ZNF831: variants seen among roughly 807,000 people sequenced by gnomAD.
ZNF831 encodes zinc finger protein 831.
ZNF831 carries 59 observed loss-of-function variants against 95.8 expected under a neutral mutation model. The observed-to-expected ratio is 0.62, with a 90% CI of 0.50 to 0.77. The LOEUF is 0.77. Among genes scored for constraint, ZNF831 ranks in the 30% least tolerant of loss-of-function variants. The probability of loss-of-function intolerance (pLI) is 0.00; values close to 1 mark genes in which losing one functional copy is unlikely to be tolerated. For synonymous variants in ZNF831, 961 were observed against 925.5 expected (o/e 1.04, Z -0.70); for missense variants, 2,205 against 2,164.0 (o/e 1.02, Z -0.38).
intron 4 of ZNF831, among the ~76,000 whole-genome samples, chr20:59,229,621 A>G (rs1986619971): frequency 6.6e-6 from 1 of 152,130 alleles, no homozygotes; most frequent in South Asian, 2.1e-4. Flanking sequence ...CAAGTGATTT[A>G]TTTTTCCATA....
rs771506952 is a variant in ZNF831 at position 59,192,743 on chromosome 20, T to C, written c.1724T>C (p.Ile575Thr). 1.4e-5 allele frequency: 22 copies of C among 1,611,072 alleles called. No homozygotes were observed. The highest frequency in any genetic ancestry group is 2.2e-5 in the South Asian group (2 of 90,934). ...GTGGAGGACCTGCCAGGCACCCCCA[T>C]TGGCGATGCCCTGGTGCCCGCAGAG... ...AAVEDLPGTP[I>T]GDALVPAEDT... The change falls in exon 2 of 6, where the codon ATT (isoleucine) becomes ACT (threonine). Residue 575 changes from isoleucine to threonine, a missense_variant. Transcript: ENST00000371030. This position sits in a 1 kb window ranked among gnomAD's most constrained non-coding sequence, Gnocchi z 5.2.
At chr20:59,175,694 T>A (rs117903178) in intron 1 of ZNF831, among the ~76,000 whole-genome samples, 1,567 of 152,394 alleles carry the variant, frequency 0.01, 20 homozygotes, top group Middle Eastern at 0.051. Flanking sequence ...ATTTTCATGA[T>A]GGCTGCTTCA....
intron 2 of ZNF831, among the ~76,000 whole-genome samples, chr20:59,149,222 T>G (rs1056901519): frequency 6.6e-6 from 1 of 152,212 alleles, no homozygotes; most frequent in Non-Finnish European, 1.5e-5. Flanking sequence ...GCTCAAAACC[T>G]AGACTCCCTT....
chr20:59,251,148 A>C (rs184743324), intron 4 of ZNF831, among the ~76,000 whole-genome samples: 39 of 152,328 alleles, frequency 2.6e-4, no homozygotes, highest in African/African-American at 9.4e-4. Context: ...ATTTCAAAAC[A>C]ATGCATTGTA....
Position 59,143,377 on chromosome 20 carries a change from G to A in ZNF831, c.-1424-2854G>A, listed in dbSNP as rs569199969. ...CAGAGGTAGCTGATGGAACTGGCTAGTGTGAGTCCCGTTCAGAGTCTATGT... is the reference window on the plus strand; with the variant it reads ...CAGAGGTAGCTGATGGAACTGGCTAATGTGAGTCCCGTTCAGAGTCTATGT... On this transcript the variant is annotated intron_variant, in intron 1 of 7. Transcript: ENST00000637017. Among the ~76,000 whole-genome samples, 11 of 152,354 alleles carry A rather than the reference G, an allele frequency of 7.2e-5. No individual in the cohort carries two copies. The South Asian group carries it at 2.3e-3, about 32-fold the overall frequency.
Position 59,193,761 on chromosome 20 carries a change from A to G in ZNF831, c.2742A>G (p.Ala914=), listed in dbSNP as rs1476990096. Residue 914 remains alanine, a synonymous_variant, in exon 2 of 6, where the codon GCA becomes GCG. Coordinates refer to ENST00000371030, the MANE Select transcript of ZNF831 (RefSeq NM_178457.3). ...TGCATCCTGCAGCCCCAGCCCCCGC[A>G]GAGCACCCCTCGCTGGCCACCCCAC... The part of the protein sequence containing the change: ...TPLHPAAPAP[A]EHPSLATPPQ... 1 of 1,608,404 alleles carries G rather than the reference A, an allele frequency of 6.2e-7. No homozygotes were observed. The highest frequency in any genetic ancestry group is 1.7e-5 in the Admixed American group (1 of 59,592).
chr20:59,189,597 C>G (rs1983344486), intron 1 of ZNF831, among the ~76,000 whole-genome samples: 1 of 152,204 alleles, frequency 6.6e-6, no homozygotes, highest in Non-Finnish European at 1.5e-5. Flanking sequence ...CTGGAACCTC[C>G]ACCTCCAGGA....
rs530819245 is a variant in ZNF831 at position 59,231,151 on chromosome 20, A to C, written c.4028-21827A>C. Among the ~76,000 whole-genome samples the C allele has an allele frequency of 3.9e-5, 6 of 152,336 alleles. No homozygotes were observed. The South Asian group carries it at 1.0e-3, about 26-fold the overall frequency. On this transcript the variant is annotated intron_variant, in intron 4 of 5. Coordinates refer to ENST00000371030, the MANE Select transcript of ZNF831 (RefSeq NM_178457.3). ...GATATTGCATGTATCACTGCCTCTC[A>C]TATCGCTTTAGCCAGAAATGAGTTA...
intron 4 of ZNF831, among the ~76,000 whole-genome samples, chr20:59,210,381 G>T (rs927209894): frequency 2.0e-5 from 3 of 152,128 alleles, no homozygotes; most frequent in Non-Finnish European, 4.4e-5. Flanking sequence ...GGGCTCCGCG[G>T]AGCCGCCATA....
chr20:59,152,658 A>C (rs1484939851), intron 2 of ZNF831, among the ~76,000 whole-genome samples: 2 of 152,172 alleles, frequency 1.3e-5, no homozygotes, highest in African/African-American at 4.8e-5. Context: ...CTCAGGGAGC[A>C]GGTGCCCGAG....
intron 2 of ZNF831, among the ~76,000 whole-genome samples, chr20:59,156,455 G>C (rs975194014): frequency 6.6e-6 from 1 of 152,150 alleles, no homozygotes; most frequent in Non-Finnish European, 1.5e-5. Context: ...GAACCCAGGA[G>C]GTGGAGGTTG....
chr20:59,253,935 C>T lies in ZNF831; in HGVS notation c.4226C>T (p.Thr1409Ile), dbSNP rs2146761403. 1 of 1,486,358 alleles carries T rather than the reference C, an allele frequency of 6.7e-7. No homozygotes were observed. The highest frequency in any genetic ancestry group is 9.0e-7 in the Non-Finnish European group (1 of 1,112,602). 92.1% of individuals were successfully genotyped at this position (1,486,358 alleles called of 1,614,324 possible). A position where few individuals can be genotyped will look rare whatever the true frequency, so the allele number is the denominator to read the frequency against. ...TCTGCTGGTGAGCATGGTGACTGTACTACTCACAGCACTGCTGCCACATCA... is the reference window on the plus strand; with the variant it reads ...TCTGCTGGTGAGCATGGTGACTGTATTACTCACAGCACTGCTGCCACATCA... ...SPSAGEHGDC[T>I]THSTAATSGL... The change falls in exon 6 of 6, where the codon ACT becomes ATT. Residue 1409 changes from threonine to isoleucine, a missense_variant. Thr to Ile is a moderately conservative substitution (Grantham distance 89). Coordinates refer to ENST00000371030, the MANE Select transcript of ZNF831 (RefSeq NM_178457.3).
In ZNF831 at chr20:59,194,254, T is replaced by A. The variant is rs895983186; in HGVS notation, c.3235T>A (p.Cys1079Ser). Reference sequence around the variant, plus strand: ...TGACAGCCACCGTATCCATCGCCTCTGCATGGGCAGCACTTTGGCAAGGGC... The same window carrying A: ...TGACAGCCACCGTATCCATCGCCTCAGCATGGGCAGCACTTTGGCAAGGGC... ...EGDSHRIHRL[C>S]MGSTLARARL... The change falls in exon 2 of 6, where the codon TGC becomes AGC. Residue 1079 changes from cysteine to serine, a missense_variant. Physicochemically the swap from Cys to Ser is moderately radical, Grantham distance 112 (BLOSUM62 -1). Transcript: ENST00000371030. 6.2e-7 allele frequency: 1 copy of A among 1,614,030 alleles called. No individual in the cohort carries two copies. Among genetic ancestry groups the A allele is most frequent in the Non-Finnish European group, 8.5e-7 (1 of 1,180,008 alleles).
intron 4 of ZNF831, among the ~76,000 whole-genome samples, chr20:59,240,773 G>A (rs1226866128): frequency 6.6e-6 from 1 of 152,318 alleles, no homozygotes; most frequent in Non-Finnish European, 1.5e-5. Context: ...CTGCACTCCA[G>A]CCTGGGCGAC....
intron 4 of ZNF831, among the ~76,000 whole-genome samples, chr20:59,233,043 C>CACACACACACAG (rs1308472101): frequency 1.5e-5 from 2 of 134,374 alleles, no homozygotes; most frequent in African/African-American, 5.9e-5. Flanking sequence ...CACACACACA[C>CACACACACACAG]ATAGAGAGAG....
intron 1 of ZNF831, among the ~76,000 whole-genome samples, chr20:59,164,633 A>G (rs1279264133): frequency 1.3e-5 from 2 of 152,202 alleles, no homozygotes; most frequent in African/African-American, 2.4e-5. Context: ...TTTGTATATA[A>G]TATAATTGAA....
chr20:59,198,705 C>T (rs763690251), intron 3 of ZNF831, among the ~76,000 whole-genome samples: 5 of 152,186 alleles, frequency 3.3e-5, no homozygotes, highest in Non-Finnish European at 5.9e-5. Context: ...CTGGCTGGGT[C>T]AAATGAGGAG....
At chr20:59,252,575 C>G (rs1250121793) in intron 4 of ZNF831, among the ~76,000 whole-genome samples, 1 of 152,186 alleles carries the variant, frequency 6.6e-6, no homozygotes, top group African/African-American at 2.4e-5. Flanking sequence ...GTTTATATTT[C>G]TGGGTTCCCA....
chr20:59,175,413 A>AT (rs1014380959), intron 1 of ZNF831, among the ~76,000 whole-genome samples: 48 of 146,100 alleles, frequency 3.3e-4, no homozygotes, highest in Middle Eastern at 3.5e-3. Flanking sequence ...GAGGCTGTTC[A>AT]TTTTTTTTTT....
Sources: allele counts gnomAD v4.1 joint callset (sites outside exome capture counted in the v4.1 genomes callset), GRCh38; gene constraint gnomAD v4.1.1; non-coding constraint Gnocchi (gnomAD v3.1); transcripts MANE v1.5; gene names NCBI Gene and HGNC (gene_info 2026-07-23, HGNC 2026-07-21).